STX5: variants seen among roughly 807,000 people sequenced by gnomAD.
STX5 encodes the protein syntaxin-5.
STX5 carries 15 observed loss-of-function variants against 42.9 expected under a neutral mutation model. The ratio of observed to expected loss-of-function variants is 0.35; its 90% confidence interval spans 0.23 to 0.54. The LOEUF (loss-of-function observed/expected upper bound fraction) is 0.54. Among genes scored for constraint, STX5 ranks in the 20% least tolerant of loss-of-function variants. The probability of loss-of-function intolerance (pLI) is 0.91; values close to 1 mark genes in which losing one functional copy is unlikely to be tolerated. For missense variants in STX5, 430 were observed against 455.0 expected (o/e 0.95, Z 0.50); for synonymous variants, 184 against 173.2 (o/e 1.06, Z -0.49).
intron 2 of STX5, among the ~76,000 whole-genome samples, chr11:62,830,064 CAAAAAA>C (rs764798047): frequency 1.9e-5 from 1 of 53,272 alleles, no homozygotes; most frequent in Admixed American, 2.3e-4. Context: ...AATTCCTTCT[CAAAAAA>C]AAAAAAAAAA....
At chr11:62,830,985 C>T (rs760069782) in intron 2 of STX5, 34 bp downstream of exon 2, 25 of 1,525,612 alleles carry the variant, frequency 1.6e-5, no homozygotes, top group Non-Finnish European at 2.2e-5. Context: ...TTGAGTAAGG[C>T]TCACTCCTCG....
chr11:62,817,374 ACCT>A (rs2084685135), intron 10 of STX5, among the ~76,000 whole-genome samples: 1 of 152,164 alleles, frequency 6.6e-6, no homozygotes, highest in African/African-American at 2.4e-5. Flanking sequence ...ATGCCTGGGT[ACCT>A]CCTATTATAC....
Position 62,825,359 on chromosome 11 carries a change from G to C in STX5, c.541-20C>G, listed in dbSNP as rs769176566. ...TTTCGACTAGAAGAAAAGGAGAGAGGGTCAACCAAAGAAGGCTCCACATTC... is the reference window on the plus strand; with the variant it reads ...TTTCGACTAGAAGAAAAGGAGAGAGCGTCAACCAAAGAAGGCTCCACATTC... On this transcript the variant is annotated intron_variant, in intron 6 of 10. Transcript: ENST00000294179. 5.6e-6 allele frequency: 9 copies of C among 1,613,970 alleles called. No homozygotes were observed. Among genetic ancestry groups the C allele is most frequent in the Non-Finnish European group, 7.6e-6 (9 of 1,180,036 alleles).
chr11:62,811,682 C>T (rs1251708150), intron 10 of STX5, among the ~76,000 whole-genome samples: 5 of 149,450 alleles, frequency 3.3e-5, no homozygotes, highest in South Asian at 2.1e-4. Context: ...TTAATAGACA[C>T]GGGGTCTCTG....
chr11:62,817,604 G>A (rs1383417474), intron 10 of STX5, among the ~76,000 whole-genome samples: 1 of 152,066 alleles, frequency 6.6e-6, no homozygotes, highest in African/African-American at 2.4e-5. Flanking sequence ...AAGAGAAAAG[G>A]CAATGAATGG....
chr11:62,823,571 A>C (rs2084762658), intron 10 of STX5, among the ~76,000 whole-genome samples: 1 of 151,670 alleles, frequency 6.6e-6, no homozygotes, highest in African/African-American at 2.4e-5. Context: ...TTTGACACAG[A>C]ATCTGGCTCT....
intron 3 of STX5, 67 bp from the exon 4 acceptor site, chr11:62,827,465 T>C: frequency 6.2e-7 from 1 of 1,613,222 alleles, no homozygotes. Context: ...AGCTCCAGCA[T>C]AACCAATCCC....
At chr11:62,822,798 T>C (rs748207093) in intron 10 of STX5, among the ~76,000 whole-genome samples, 10 of 152,064 alleles carry the variant, frequency 6.6e-5, no homozygotes, top group Non-Finnish European at 5.9e-5. Flanking sequence ...TTGTCTCTTT[T>C]GTCCACTGCT....
intron 10 of STX5, among the ~76,000 whole-genome samples, chr11:62,813,951 T>C (rs555516173): frequency 5.9e-5 from 9 of 152,292 alleles, no homozygotes; most frequent in African/African-American, 1.9e-4. Context: ...CTTTCTCCTA[T>C]ATTATCATTT....
intron 2 of STX5, 130 bp from the exon 3 acceptor site, chr11:62,827,761 G>C: frequency 2.1e-6 from 2 of 933,168 alleles, no homozygotes; most frequent in Non-Finnish European, 3.3e-6. Flanking sequence ...AGATTTATGA[G>C]TGGTAGTCGT....
At chr11:62,814,484 TA>T (rs35898094) in intron 10 of STX5, among the ~76,000 whole-genome samples, 85,633 of 147,736 alleles carry the variant, frequency 0.58, 24,901 homozygotes, top group Non-Finnish European at 0.63. Context: ...TTTTTTTAGA[TA>T]AGAGTCTCAC....
At position 62,824,355 on chromosome 11, in the gene STX5, C is replaced by A. The variant is rs894825830; in HGVS notation, c.787-68G>T. The A allele has an allele frequency of 6.2e-6, 10 of 1,612,568 alleles. No homozygotes were observed. In the African/African-American group the frequency reaches 1.3e-4, roughly 22 times the overall value. The stretch of plus-strand genomic sequence containing the variant: ...CAGGGTCAGACCTGCATTTTTACAA[C>A]CCTCCCAGCTTGCCATTCTGCCCAT... On this transcript the variant is annotated intron_variant, in intron 9 of 10. Transcript: ENST00000294179.
chr11:62,824,201 T>A lies in STX5; in HGVS notation c.873A>T (p.Ala291=). The A allele has an allele frequency of 6.2e-7, 1 of 1,614,232 alleles. No individual in the cohort carries two copies. The highest frequency in any genetic ancestry group is 8.5e-7 in the Non-Finnish European group (1 of 1,180,044). The part of the protein sequence containing the change: ...VELGSIFQQL[A]HMVKEQEETI... The stretch of plus-strand genomic sequence containing the variant: ...TTTCCTCCTGTTCCTTAACCATGTG[T>A]GCCAACTGCTGAAAGATGGAGCCCA... Residue 291 remains alanine (A), a synonymous_variant, in exon 10 of 11, where the codon GCA becomes GCT. Transcript: ENST00000294179.
chr11:62,821,652 G>C (rs1270917381), intron 10 of STX5, among the ~76,000 whole-genome samples: 1 of 151,746 alleles, frequency 6.6e-6, no homozygotes, highest in Admixed American at 6.6e-5. Context: ...TGAACTCGGA[G>C]GGTGCAGTGA....
chr11:62,821,491 G>A (rs937154711), intron 10 of STX5, among the ~76,000 whole-genome samples: 5 of 151,848 alleles, frequency 3.3e-5, no homozygotes, highest in Admixed American at 6.6e-5. Context: ...TTGGGAGGCC[G>A]AAGTGGGCGG....
At chr11:62,818,041 C>A (rs1055896039) in intron 10 of STX5, among the ~76,000 whole-genome samples, 2 of 151,838 alleles carry the variant, frequency 1.3e-5, no homozygotes, top group African/African-American at 2.4e-5. Context: ...GTCAGTAGTT[C>A]GAGACCAGAC....
At chr11:62,830,707 T>C (rs141994491) in intron 2 of STX5, among the ~76,000 whole-genome samples, 2 of 152,322 alleles carry the variant, frequency 1.3e-5, no homozygotes, top group African/African-American at 2.4e-5. Context: ...GTTTCTCAGC[T>C]AAAGGCTCTT....
At chr11:62,828,746 T>TAAACAAAC (rs58225409) in intron 2 of STX5, among the ~76,000 whole-genome samples, 28 of 147,260 alleles carry the variant, frequency 1.9e-4, no homozygotes, top group South Asian at 4.2e-4. Context: ...AATAAATAAA[T>TAAACAAAC]AAACAAACAA....
chr11:62,811,554 C>T (rs181996616), intron 10 of STX5, among the ~76,000 whole-genome samples: 1 of 152,272 alleles, frequency 6.6e-6, no homozygotes. Context: ...TTCTCCTTTC[C>T]CCTTTTTGGG....
Sources: allele counts gnomAD v4.1 joint callset (sites outside exome capture counted in the v4.1 genomes callset), GRCh38; gene constraint gnomAD v4.1.1; transcripts MANE v1.5; gene names NCBI Gene and HGNC (gene_info 2026-07-23, HGNC 2026-07-21).